The following CLHC1 variants were observed in gnomAD, a reference collection of about 807,000 sequenced individuals.
CLHC1 encodes the protein clathrin heavy chain linker domain-containing protein 1.
CLHC1 carries 72 observed loss-of-function variants against 69.5 expected under a neutral mutation model. That is an observed-to-expected ratio of 1.04 (90% CI 0.86 to 1.26). CLHC1 has a LOEUF of 1.26. CLHC1 is among the 50% of genes most tolerant of loss of function. The probability of loss-of-function intolerance (pLI) is 0.00; values close to 1 mark genes in which losing one functional copy is unlikely to be tolerated. For missense variants in CLHC1, 790 were observed against 679.3 expected, an observed-to-expected ratio of 1.16 and a Z score of -1.81; for synonymous variants, 223 against 224.3, an observed-to-expected ratio of 0.99 and a Z score of 0.05.
intron 5 of CLHC1, among the ~76,000 whole-genome samples, chr2:55,211,185 T>G (rs544825222): frequency 6.6e-6 from 1 of 152,234 alleles, no homozygotes; most frequent in Admixed American, 6.5e-5. Flanking sequence ...ATTCGTCATT[T>G]GCTAGTCACA....
chr2:55,214,473 A>T (rs1317481491), intron 4 of CLHC1: 1 of 152,228 alleles, frequency 6.6e-6, no homozygotes, highest in Non-Finnish European at 1.5e-5. Flanking sequence ...ATGCCATTGC[A>T]CTCCAGCCTG....
At chr2:55,188,891 C>A (rs985497210) in intron 9 of CLHC1, among the ~76,000 whole-genome samples, 1 of 152,118 alleles carries the variant, frequency 6.6e-6, no homozygotes, top group African/African-American at 2.4e-5. Context: ...CAGTATAATT[C>A]AATTCACATT....
chr2:55,197,694 T>C (rs1671553471), intron 9 of CLHC1, among the ~76,000 whole-genome samples: 1 of 152,120 alleles, frequency 6.6e-6, no homozygotes, highest in African/African-American at 2.4e-5. Context: ...CACCCAAGTC[T>C]CCTTCAATAT....
chr2:55,196,760 C>T (rs922952851), intron 9 of CLHC1, among the ~76,000 whole-genome samples: 3 of 152,164 alleles, frequency 2.0e-5, no homozygotes, highest in African/African-American at 7.2e-5. Flanking sequence ...TGTGACCCAG[C>T]ACATTCCCAG....
chr2:55,229,399 G>C (rs1416233896), intron 1 of CLHC1, among the ~76,000 whole-genome samples: 2 of 151,960 alleles, frequency 1.3e-5, no homozygotes, highest in African/African-American at 4.8e-5. Context: ...AGTGGTTGAG[G>C]CAAAGAGAGT....
At chr2:55,204,939 T>C (rs1381773167) in intron 9 of CLHC1, among the ~76,000 whole-genome samples, 2 of 151,972 alleles carry the variant, frequency 1.3e-5, no homozygotes, top group Non-Finnish European at 2.9e-5. Context: ...TGAAGGGTAG[T>C]AGGGGAGTTG....
chr2:55,214,783 A>G (rs1673338267), intron 4 of CLHC1: 1 of 152,388 alleles, frequency 6.6e-6, no homozygotes, highest in Non-Finnish European at 1.5e-5. Context: ...TCACATAGCC[A>G]AAAATGGAAA....
rs1270352496 is a variant in CLHC1 at position 55,173,752 on chromosome 2, A to G, written c.*2038T>C. 6.6e-6 allele frequency among the ~76,000 whole-genome samples: 1 copy of G among 152,158 alleles called. No individual in the cohort carries two copies. Among genetic ancestry groups the G allele is most frequent in the Non-Finnish European group, 1.5e-5 (1 of 68,044 alleles). The stretch of plus-strand genomic sequence containing the variant: ...CTTCCTCCCAACTCCATTTTCCATC[A>G]CCAGGCATTTTAATTTATATTCACT... On this transcript the variant is annotated 3_prime_UTR_variant, in exon 13 of 13. Transcript: ENST00000401408.
At chr2:55,201,673 G>T (rs1253723240) in intron 9 of CLHC1, among the ~76,000 whole-genome samples, 1 of 152,074 alleles carries the variant, frequency 6.6e-6, no homozygotes, top group Admixed American at 6.6e-5. Context: ...TACAAGTCCA[G>T]TATTACCCTG....
intron 2 of CLHC1, among the ~76,000 whole-genome samples, chr2:55,222,918 CAA>C (rs59113625): frequency 0.013 from 865 of 68,524 alleles, 4 homozygotes; most frequent in African/African-American, 0.04. Flanking sequence ...GAAACTGTCT[CAA>C]AAAAAAAAAA....
intron 9 of CLHC1, among the ~76,000 whole-genome samples, chr2:55,190,627 T>C (rs942766236): frequency 5.3e-5 from 8 of 152,048 alleles, no homozygotes; most frequent in Non-Finnish European, 1.2e-4. Context: ...CTGGATGGGA[T>C]TAACTGCAGA....
At chr2:55,208,581 T>A (rs374804975) in intron 8 of CLHC1, 45 bp downstream of exon 8, 1 of 1,223,538 alleles carries the variant, frequency 8.2e-7, no homozygotes, top group Admixed American at 1.8e-5. Flanking sequence ...AAAGAATCTA[T>A]GAAAAAATAT....
Position 55,205,440 on chromosome 2 carries a change from C to A in CLHC1, c.1006+830G>T, listed in dbSNP as rs182970328. The stretch of plus-strand genomic sequence containing the variant: ...ACACACACGCACACACACACACACA[C>A]CACAGAATACTACTCAGCCATAAAA... On this transcript the variant is annotated intron_variant, in intron 9 of 12. Coordinates refer to ENST00000401408, the MANE Select transcript of CLHC1 (RefSeq NM_152385.4). Among the ~76,000 whole-genome samples, 87 of 151,774 alleles carry A rather than the reference C, an allele frequency of 5.7e-4. 1 individual carries two copies. Among genetic ancestry groups the A allele is most frequent in the African/African-American group, 1.9e-3 (79 of 41,410 alleles).
intron 5 of CLHC1, among the ~76,000 whole-genome samples, 196 bp downstream of exon 5, chr2:55,212,477 T>C (rs1673099160): frequency 6.6e-6 from 1 of 152,208 alleles, no homozygotes; most frequent in African/African-American, 2.4e-5. Context: ...ATAACCCAGC[T>C]GACTGAAACT....
chr2:55,201,460 T>C (rs193261492), intron 9 of CLHC1, among the ~76,000 whole-genome samples: 3 of 152,178 alleles, frequency 2.0e-5, no homozygotes, highest in East Asian at 1.9e-4. Context: ...CCCACCAATA[T>C]TGAACCATGA....
chr2:55,195,217 C>G (rs1671296563), intron 9 of CLHC1, among the ~76,000 whole-genome samples: 1 of 152,178 alleles, frequency 6.6e-6, no homozygotes, highest in South Asian at 2.1e-4. Flanking sequence ...TTAGTTACCA[C>G]CATTCCACTC....
intron 9 of CLHC1, among the ~76,000 whole-genome samples, chr2:55,184,519 T>A (rs138406597): frequency 7.2e-5 from 11 of 152,306 alleles, no homozygotes; most frequent in Non-Finnish European, 1.2e-4. Context: ...ATATTGTGCC[T>A]CCTATCCAAC....
rs961373752 is a variant in CLHC1, at chr2:55,222,505, A to C, written c.-82-12T>G. The C allele has an allele frequency of 1.2e-6, 1 of 836,762 alleles. No individual in the cohort carries two copies. The highest frequency in any genetic ancestry group is 2.6e-5 in the East Asian group (1 of 38,714). 51.8% of individuals were successfully genotyped at this position (836,762 alleles called of 1,614,324 possible). On this transcript the variant is annotated splice_polypyrimidine_tract_variant and intron_variant, in intron 2 of 12. Coordinates refer to ENST00000401408, the MANE Select transcript of CLHC1 (RefSeq NM_152385.4). The stretch of plus-strand genomic sequence containing the variant: ...AAACTTTGATAAGCCTGAAAGAAAA[A>C]AAGAGCATCAATTAATATAATAATT...
chr2:55,178,433 A>T (rs1669611203), intron 11 of CLHC1, among the ~76,000 whole-genome samples: 3 of 152,210 alleles, frequency 2.0e-5, no homozygotes, highest in Admixed American at 2.0e-4. Flanking sequence ...TATTGGGTTA[A>T]CCCAATAGTT....
Sources: gnomAD v4.1 joint callset for allele counts (sites outside exome capture counted in the v4.1 genomes callset) on GRCh38, gnomAD v4.1.1 for gene constraint, MANE v1.5 for transcripts, NCBI Gene and HGNC (gene_info 2026-07-23, HGNC 2026-07-21) for gene names.